FBXL17: variants seen among roughly 807,000 people sequenced by gnomAD.
FBXL17 encodes F-box and leucine rich repeat protein 17.
Under a neutral mutation model 66.2 loss-of-function variants are expected in FBXL17, and 22 were observed. That is an observed-to-expected ratio of 0.33 (90% CI 0.24 to 0.47). The LOEUF is 0.47. Among genes scored for constraint, FBXL17 ranks in the 20% least tolerant of loss-of-function variants. The pLI is 1.00. For synonymous variants in FBXL17, 474 were observed against 400.5 expected (o/e 1.18, Z -2.19); for missense variants, 878 against 948.2 (o/e 0.93, Z 0.97).
At chr5:107,995,589 A>G (rs1753440016) in intron 7 of FBXL17, among the ~76,000 whole-genome samples, 1 of 152,130 alleles carries the variant, frequency 6.6e-6, no homozygotes, top group Non-Finnish European at 1.5e-5. Flanking sequence ...CAATATAACC[A>G]AAGCCAAATC....
intron 6 of FBXL17, among the ~76,000 whole-genome samples, chr5:108,059,358 T>C (rs1580385632): frequency 6.6e-6 from 1 of 152,264 alleles, no homozygotes; most frequent in South Asian, 2.1e-4. Context: ...ATCATCTCTT[T>C]CCATTAACAT....
chr5:108,174,708 A>C (rs917543929), intron 6 of FBXL17, among the ~76,000 whole-genome samples: 7 of 145,226 alleles, frequency 4.8e-5, no homozygotes, highest in African/African-American at 1.8e-4. Flanking sequence ...AACTCATACA[A>C]TTTTTTTTCT....
At chr5:108,182,172 G>A (rs40065) in intron 6 of FBXL17, among the ~76,000 whole-genome samples, 115,968 of 152,086 alleles carry the variant, frequency 0.76, 44,784 homozygotes, top group East Asian at 0.93. Context: ...TCTGAGACAC[G>A]GTAGCAAGTA....
chr5:107,986,879 T>G (rs1753029871), intron 7 of FBXL17, among the ~76,000 whole-genome samples: 1 of 152,058 alleles, frequency 6.6e-6, no homozygotes, highest in African/African-American at 2.4e-5. Flanking sequence ...AAATGTAATT[T>G]TAACCTGGAA....
intron 7 of FBXL17, among the ~76,000 whole-genome samples, chr5:107,948,452 C>T (rs896485234): frequency 1.3e-5 from 2 of 152,138 alleles, no homozygotes; most frequent in African/African-American, 4.8e-5. Flanking sequence ...TAACAGACCT[C>T]GAACCATGTA....
intron 6 of FBXL17, among the ~76,000 whole-genome samples, chr5:108,173,493 A>G (rs1752682740): frequency 1.3e-5 from 2 of 152,242 alleles, no homozygotes; most frequent in African/African-American, 2.4e-5. Context: ...TTCATACTGA[A>G]TTATGAAGAG....
At chr5:108,084,621 G>A (rs1368507518) in intron 6 of FBXL17, among the ~76,000 whole-genome samples, 1 of 152,164 alleles carries the variant, frequency 6.6e-6, no homozygotes, top group Non-Finnish European at 1.5e-5. Flanking sequence ...TTTTCTGAAA[G>A]AACTCTCCTT....
At chr5:107,932,219 A>G (rs1188646386) in intron 7 of FBXL17, among the ~76,000 whole-genome samples, 2 of 152,200 alleles carry the variant, frequency 1.3e-5, no homozygotes, top group Non-Finnish European at 2.9e-5. Flanking sequence ...AATTTCACTG[A>G]ATGAAATGTT....
At chr5:108,204,359 T>C (rs1415774391) in intron 5 of FBXL17, among the ~76,000 whole-genome samples, 11 of 152,056 alleles carry the variant, frequency 7.2e-5, no homozygotes, top group Non-Finnish European at 1.5e-4. Flanking sequence ...CCCAGCTAAT[T>C]TTTTGTAGAG....
intron 7 of FBXL17, among the ~76,000 whole-genome samples, chr5:107,967,697 GA>G (rs1158206170): frequency 6.6e-6 from 1 of 150,934 alleles, no homozygotes; most frequent in South Asian, 2.1e-4. Flanking sequence ...AAAAGAATAG[GA>G]AAAAAACAAC....
At chr5:108,062,333 G>C (rs1747955749) in intron 6 of FBXL17, among the ~76,000 whole-genome samples, 2 of 152,070 alleles carry the variant, frequency 1.3e-5, no homozygotes, top group Admixed American at 1.3e-4. Context: ...TTAGCATATA[G>C]ACATCATGCT....
At chr5:108,263,429 A>G (rs892599638) in intron 4 of FBXL17, among the ~76,000 whole-genome samples, 1 of 152,218 alleles carries the variant, frequency 6.6e-6, no homozygotes. Flanking sequence ...TGCCAAATAA[A>G]AGAGTTCTTA....
intron 6 of FBXL17, among the ~76,000 whole-genome samples, chr5:108,024,494 T>A (rs544874595): frequency 2.0e-5 from 3 of 152,288 alleles, no homozygotes; most frequent in African/African-American, 4.8e-5. Flanking sequence ...GTTATCCAAA[T>A]CAAATGTCTT....
At chr5:108,113,723 C>A (rs373795736) in intron 6 of FBXL17, among the ~76,000 whole-genome samples, 1 of 151,978 alleles carries the variant, frequency 6.6e-6, no homozygotes, top group Non-Finnish European at 1.5e-5. Context: ...TGGTAAAATA[C>A]CTAAATTTAG....
At chr5:108,070,657 A>AC (rs1474070674) in intron 6 of FBXL17, among the ~76,000 whole-genome samples, 1 of 152,236 alleles carries the variant, frequency 6.6e-6, no homozygotes, top group Non-Finnish European at 1.5e-5. Context: ...CTGAAAACAT[A>AC]GATATAAAGA....
chr5:108,124,149 T>G (rs1022509839), intron 6 of FBXL17, among the ~76,000 whole-genome samples: 2 of 152,106 alleles, frequency 1.3e-5, no homozygotes, highest in African/African-American at 4.8e-5. Context: ...CTTCACCAAA[T>G]GAGTCCTACA....
chr5:108,303,685 T>C (rs1382918299), intron 4 of FBXL17, among the ~76,000 whole-genome samples: 1 of 151,922 alleles, frequency 6.6e-6, no homozygotes, highest in Non-Finnish European at 1.5e-5. Flanking sequence ...TTACCTGTGG[T>C]CTGTCCAAGT....
intron 7 of FBXL17, among the ~76,000 whole-genome samples, chr5:107,998,600 T>C (rs981217197): frequency 1.3e-4 from 20 of 152,012 alleles, no homozygotes; most frequent in Non-Finnish European, 7.4e-5. Context: ...ATATATACAA[T>C]GACACTGATA....
intron 4 of FBXL17, among the ~76,000 whole-genome samples, chr5:108,343,051 C>T (rs1580853514): frequency 6.6e-6 from 1 of 152,086 alleles, no homozygotes; most frequent in East Asian, 1.9e-4. Flanking sequence ...TGCCTTTCTA[C>T]CATGTGAGGA....
Sources: allele counts gnomAD v4.1 joint callset (sites outside exome capture counted in the v4.1 genomes callset), GRCh38; gene constraint gnomAD v4.1.1; transcripts MANE v1.5; gene names NCBI Gene and HGNC (gene_info 2026-07-23, HGNC 2026-07-21).